Variants in GRIN2B observed in about 807,000 individuals in gnomAD.
GRIN2B encodes glutamate receptor ionotropic, NMDA 2B.
GRIN2B carries 5 observed loss-of-function variants against 114.5 expected under a neutral mutation model. The observed-to-expected ratio is 0.04, with a 90% CI of 0.02 to 0.09. The LOEUF is 0.09. GRIN2B is among the 10% of genes least tolerant of loss of function. The pLI is 1.00. For missense variants in GRIN2B, 1,108 were observed against 1,943.5 expected (o/e 0.57, Z 8.08); for synonymous variants, 787 against 745.1 (o/e 1.06, Z -0.92).
chr12:13,919,362 T>C (rs1457479185), intron 2 of GRIN2B, among the ~76,000 whole-genome samples: 2 of 152,224 alleles, frequency 1.3e-5, no homozygotes, highest in African/African-American at 2.4e-5. Context: ...TATTCTATTA[T>C]AATGATTCCA....
In GRIN2B at chr12:13,980,366, A is replaced by G. The variant is rs529607947; in HGVS notation, c.-447-10T>C. ...CCAAAGCGTCCCCTTCCTAAGGGGGAAAAAGAGGCGGTCAGGGCTTGATTC... is the reference window on the plus strand; with the variant it reads ...CCAAAGCGTCCCCTTCCTAAGGGGGGAAAAGAGGCGGTCAGGGCTTGATTC... On this transcript the variant is annotated splice_polypyrimidine_tract_variant and intron_variant, in intron 1 of 13. Transcript: ENST00000609686. 1.3e-5 allele frequency: 2 copies of G among 152,158 alleles called. No homozygotes were observed. The highest frequency in any genetic ancestry group is 2.1e-4 in the South Asian group (1 of 4,818). The allele number at this position is 152,158 out of a possible 1,614,324, so 9.4% of individuals were successfully genotyped here. A position where few individuals can be genotyped will look rare whatever the true frequency, so the allele number is the denominator to read the frequency against.
intron 4 of GRIN2B, among the ~76,000 whole-genome samples, chr12:13,715,891 T>C (rs764146236): frequency 2.0e-5 from 3 of 151,934 alleles, no homozygotes; most frequent in Non-Finnish European, 4.4e-5. Context: ...AGAAGATCTG[T>C]AGAAGCAGTA....
At chr12:13,578,810 T>G (rs1441393620) in intron 10 of GRIN2B, among the ~76,000 whole-genome samples, 7 of 152,242 alleles carry the variant, frequency 4.6e-5, no homozygotes, top group Admixed American at 6.5e-5. Context: ...AGACTGGCTG[T>G]CCTGAAAAGG....
intron 2 of GRIN2B, among the ~76,000 whole-genome samples, chr12:13,918,458 T>C (rs571687883): frequency 1.3e-5 from 2 of 152,326 alleles, no homozygotes; most frequent in African/African-American, 2.4e-5. Context: ...CTTAGTTCAA[T>C]TGAATTTGAC....
At chr12:13,614,578 G>T (rs1384724875) in intron 8 of GRIN2B, among the ~76,000 whole-genome samples, 1 of 152,144 alleles carries the variant, frequency 6.6e-6, no homozygotes, top group African/African-American at 2.4e-5. Flanking sequence ...GGGTGCAGTG[G>T]GGTGGGAGGA....
intron 3 of GRIN2B, among the ~76,000 whole-genome samples, chr12:13,758,313 G>A (rs1863615400): frequency 6.6e-6 from 1 of 151,996 alleles, no homozygotes; most frequent in African/African-American, 2.4e-5. Flanking sequence ...ACTAACCTCA[G>A]GCTCAGAGTC....
At chr12:13,659,571 A>T (rs1949899388) in intron 5 of GRIN2B, among the ~76,000 whole-genome samples, 1 of 152,094 alleles carries the variant, frequency 6.6e-6, no homozygotes, top group Non-Finnish European at 1.5e-5. Flanking sequence ...TTTAAGCTCA[A>T]TCTTTACTTA....
intron 3 of GRIN2B, among the ~76,000 whole-genome samples, chr12:13,800,502 T>C (rs1864489509): frequency 6.6e-6 from 1 of 152,240 alleles, no homozygotes; most frequent in African/African-American, 2.4e-5. Context: ...GATTATTTTC[T>C]GCATGCACAA....
In GRIN2B at chr12:13,542,435, A is replaced by G. The variant is rs1948289888; in HGVS notation, c.*20348T>C. 6.6e-6 allele frequency: 1 copy of G among 152,158 alleles called. No homozygotes were observed. The highest frequency in any genetic ancestry group is 1.5e-5 in the Non-Finnish European group (1 of 68,048). 9.4% of individuals were successfully genotyped at this position (152,158 alleles called of 1,614,324 possible). A position where few individuals can be genotyped will look rare whatever the true frequency, so the allele number is the denominator to read the frequency against. ...ATAACATTTGTTGACATCTATAAAA[A>G]CATGTTGTGGCCTATCACAGTTAGC... On this transcript the variant is annotated 3_prime_UTR_variant, in exon 14 of 14. Transcript: ENST00000609686.
intron 3 of GRIN2B, among the ~76,000 whole-genome samples, chr12:13,828,747 G>T (rs1307540573): frequency 6.6e-6 from 1 of 152,108 alleles, no homozygotes; most frequent in African/African-American, 2.4e-5. Context: ...ATTTATGGTG[G>T]GAGGGTAATT....
intron 2 of GRIN2B, among the ~76,000 whole-genome samples, chr12:13,937,266 C>A (rs1340174335): frequency 6.6e-6 from 1 of 151,434 alleles, no homozygotes; most frequent in African/African-American, 2.4e-5. Context: ...CAAAAATTTC[C>A]CGAATGCCAA....
chr12:13,632,634 T>C (rs1565483380), intron 5 of GRIN2B, among the ~76,000 whole-genome samples: 1 of 152,178 alleles, frequency 6.6e-6, no homozygotes, highest in South Asian at 2.1e-4. Flanking sequence ...CAACTTTGTG[T>C]CCCAGGGTGA....
At chr12:13,973,235 T>C (rs1862961244) in intron 2 of GRIN2B, among the ~76,000 whole-genome samples, 1 of 152,180 alleles carries the variant, frequency 6.6e-6, no homozygotes, top group Non-Finnish European at 1.5e-5. Context: ...AGAAATTCTA[T>C]GTGGTTGAAG....
rs117601757 is a variant in GRIN2B, at chr12:13,839,184, G to A, written c.411+26614C>T. Among the ~76,000 whole-genome samples, 12 of 152,310 alleles carry A rather than the reference G, an allele frequency of 7.9e-5. No individual in the cohort carries two copies. In the East Asian group the frequency reaches 1.5e-3, roughly 20 times the overall value. On this transcript the variant is annotated intron_variant, in intron 3 of 13. Transcript: ENST00000609686. ...TGAATGAAGCTACAGCAAAGAATCC[G>A]TCATCTCTACAGTAGCCTGGCAGGC...
chr12:13,577,031 A>T (rs1261483422), intron 10 of GRIN2B, among the ~76,000 whole-genome samples: 1 of 152,214 alleles, frequency 6.6e-6, no homozygotes, highest in Non-Finnish European at 1.5e-5. Flanking sequence ...AAGTCGTTCC[A>T]GTAGACACAG....
At chr12:13,964,703 A>G (rs1046055724) in intron 2 of GRIN2B, among the ~76,000 whole-genome samples, 2 of 152,208 alleles carry the variant, frequency 1.3e-5, no homozygotes, top group African/African-American at 4.8e-5. Context: ...CATTTTGGGA[A>G]TTGCTGCTTC....
intron 5 of GRIN2B, among the ~76,000 whole-genome samples, chr12:13,653,933 C>G (rs985769803): frequency 6.6e-6 from 1 of 152,116 alleles, no homozygotes; most frequent in Non-Finnish European, 1.5e-5. Context: ...ACTAAAATTT[C>G]TATTTGTTGA....
intron 3 of GRIN2B, among the ~76,000 whole-genome samples, chr12:13,865,503 G>T (rs940208324): frequency 6.6e-6 from 1 of 151,752 alleles, no homozygotes. Flanking sequence ...GTGGTGGCAG[G>T]CGCCTGTAAT....
chr12:13,721,866 T>C (rs1862887338), intron 4 of GRIN2B, among the ~76,000 whole-genome samples: 1 of 152,052 alleles, frequency 6.6e-6, no homozygotes, highest in South Asian at 2.1e-4. Flanking sequence ...GAACATTTAG[T>C]GGTGGGTAGA....
Sources: allele counts gnomAD v4.1 joint callset (sites outside exome capture counted in the v4.1 genomes callset), GRCh38; gene constraint gnomAD v4.1.1; transcripts MANE v1.5; gene names NCBI Gene and HGNC (gene_info 2026-07-23, HGNC 2026-07-21).